The following TTBK2 variants were observed in gnomAD, a reference collection of about 807,000 sequenced individuals.
The protein encoded by TTBK2 is tau tubulin kinase 2.
Under a neutral mutation model 110.8 loss-of-function variants are expected in TTBK2, and 28 were observed. That is an observed-to-expected ratio of 0.25 (90% CI 0.19 to 0.35). TTBK2 has a LOEUF of 0.35. Ranked by LOEUF, TTBK2 falls within the 10% of genes least tolerant of loss-of-function variation. TTBK2 has a pLI of 1.00. For missense variants in TTBK2, 1,369 were observed against 1,500.3 expected (o/e 0.91, Z 1.45); for synonymous variants, 532 against 527.3 (o/e 1.01, Z -0.12).
chr15:42,755,597 G>T (rs1230741035), intron 13 of TTBK2, among the ~76,000 whole-genome samples: 1 of 152,206 alleles, frequency 6.6e-6, no homozygotes, highest in South Asian at 2.1e-4. Flanking sequence ...GGCAATTTGG[G>T]TTTAGAGCTA....
rs774402166 is a variant in TTBK2, at chr15:42,775,136, G to A, written c.1997C>T (p.Ala666Val). ...TAATAATAAAAACAAATTTCTTACC[G>A]CTGTAAGGGGTCCTTCTGCCTGCGC... ...MEAQAEGPLT[A>V]ITIPRPSVAS... Residue 666 changes from alanine to valine, a missense_variant and splice_region_variant, in exon 13 of 15, where the codon GCG becomes GTG. Ala to Val is a moderately conservative substitution (Grantham distance 64). Around this residue, in one of 4 missense-constraint regions of TTBK2, gnomAD observed 1,097 missense variants for 1,114.7 expected, o/e 0.98. Transcript: ENST00000267890. The A allele has an allele frequency of 3.1e-6, 5 of 1,612,820 alleles. No individual in the cohort carries two copies. The highest frequency in any genetic ancestry group is 1.1e-5 in the South Asian group (1 of 91,038).
intron 9 of TTBK2, chr15:42,802,331 T>C (rs1010964836): frequency 1.9e-5 from 15 of 770,064 alleles, no homozygotes; most frequent in Non-Finnish European, 3.5e-5. Context: ...GGCCCACTCG[T>C]GTAGGAGAGG....
At chr15:42,750,338 G>C (rs2061848841) in intron 14 of TTBK2, among the ~76,000 whole-genome samples, 1 of 151,958 alleles carries the variant, frequency 6.6e-6, no homozygotes, top group Admixed American at 6.6e-5. Flanking sequence ...AAGGATGCTT[G>C]AAAAACTAAA....
intron 3 of TTBK2, among the ~76,000 whole-genome samples, chr15:42,862,189 T>C (rs1386536624): frequency 2.0e-5 from 3 of 152,012 alleles, no homozygotes; most frequent in East Asian, 1.9e-4. Flanking sequence ...ACTGAAACTA[T>C]TTAAAAAAAA....
At chr15:42,764,384 A>G (rs1595887877) in intron 13 of TTBK2, among the ~76,000 whole-genome samples, 1 of 152,376 alleles carries the variant, frequency 6.6e-6, no homozygotes, top group Non-Finnish European at 1.5e-5. Context: ...GTACCTGGAA[A>G]AATGGGACAC....
chr15:42,797,225 T>G (rs1456147348), intron 9 of TTBK2, among the ~76,000 whole-genome samples: 1 of 152,246 alleles, frequency 6.6e-6, no homozygotes, highest in Non-Finnish European at 1.5e-5. Flanking sequence ...CACTGCTAAA[T>G]TCTCTGTCTG....
At chr15:42,765,021 C>T (rs1176342701) in intron 13 of TTBK2, among the ~76,000 whole-genome samples, 1 of 152,232 alleles carries the variant, frequency 6.6e-6, no homozygotes, top group Non-Finnish European at 1.5e-5. Context: ...CAAACTCCAA[C>T]AGACCTGCAG....
intron 13 of TTBK2, among the ~76,000 whole-genome samples, chr15:42,768,563 G>A (rs1889500796): frequency 6.6e-6 from 1 of 152,104 alleles, no homozygotes; most frequent in Non-Finnish European, 1.5e-5. Flanking sequence ...GGATATGAAG[G>A]ACCTCTTCAA....
chr15:42,818,895 C>G (rs2140953522), intron 6 of TTBK2, among the ~76,000 whole-genome samples: 1 of 143,926 alleles, frequency 6.9e-6, no homozygotes, highest in East Asian at 2.1e-4. Context: ...TGCACTCCAG[C>G]CTGGGCGACA....
chr15:42,804,200 T>C (rs112295769), intron 9 of TTBK2, among the ~76,000 whole-genome samples: 12 of 152,026 alleles, frequency 7.9e-5, no homozygotes, highest in African/African-American at 2.9e-4. Flanking sequence ...ATCCCGGCAC[T>C]TTGGGAGACT....
At position 42,742,880 on chromosome 15, in the gene TTBK2, TAAAG is replaced by T. The variant is rs1381089621; in HGVS notation, c.*2911_*2914del. 23 of 152,054 alleles carry T rather than the reference TAAAG, an allele frequency of 1.5e-4. No individual in the cohort carries two copies. The East Asian group carries it at 4.5e-3, about 29-fold the overall frequency. 9.4% of individuals were successfully genotyped at this position (152,054 alleles called of 1,614,324 possible). ...ACTAAGAGAACCCCCAAATAAAAAA[TAAAG>T]AACTAAAAAACACAACCAAACCAAA... On this transcript the variant is annotated 3_prime_UTR_variant, in exon 15 of 15. Coordinates refer to ENST00000267890, the MANE Select transcript of TTBK2 (RefSeq NM_173500.4).
At chr15:42,783,221 C>T (rs1890251564) in intron 11 of TTBK2, among the ~76,000 whole-genome samples, 198 bp downstream of exon 11, 1 of 152,026 alleles carries the variant, frequency 6.6e-6, no homozygotes. Context: ...AAGGCAGAGC[C>T]CTCATGAATG....
chr15:42,912,566 C>G (rs1307530066), intron 1 of TTBK2, among the ~76,000 whole-genome samples: 1 of 152,002 alleles, frequency 6.6e-6, no homozygotes, highest in Non-Finnish European at 1.5e-5. Flanking sequence ...AAAAAATTAG[C>G]TGGGCCTGGT....
rs766180230 is a variant in TTBK2 at position 42,777,224 on chromosome 15, TCTC to T, written c.1213_1215del (p.Glu405del). ...AGACCATTTGCCTGGCCATGGCTGTTCTCCTCTTCAGTAGCAGCCTATCCAAAA... is the reference window on the plus strand; with the variant it reads ...AGACCATTTGCCTGGCCATGGCTGTTCTCTTCAGTAGCAGCCTATCCAAAA... On this transcript the variant is annotated inframe_deletion, in exon 12 of 15. Coordinates refer to ENST00000267890, the MANE Select transcript of TTBK2 (RefSeq NM_173500.4). The T allele has an allele frequency of 1.2e-6, 2 of 1,614,126 alleles. No individual in the cohort carries two copies. Among genetic ancestry groups the T allele is most frequent in the Non-Finnish European group, 8.5e-7 (1 of 1,180,026 alleles).
chr15:42,918,943 G>C (rs2031228963), intron 1 of TTBK2, among the ~76,000 whole-genome samples: 1 of 152,074 alleles, frequency 6.6e-6, no homozygotes, highest in African/African-American at 2.4e-5. Context: ...GCATCAACTT[G>C]ATATTATATA....
intron 3 of TTBK2, among the ~76,000 whole-genome samples, chr15:42,845,501 G>A (rs1893414364): frequency 6.6e-6 from 1 of 151,666 alleles, no homozygotes; most frequent in Non-Finnish European, 1.5e-5. Flanking sequence ...CCCCATCGCA[G>A]TAGGCACCTA....
intron 1 of TTBK2, among the ~76,000 whole-genome samples, chr15:42,879,327 A>G (rs1299197344): frequency 2.6e-5 from 4 of 152,214 alleles, no homozygotes; most frequent in African/African-American, 7.2e-5. Context: ...TTGTTTAGTG[A>G]AAAAGGCAAG....
At chr15:42,913,515 G>A (rs1294027654) in intron 1 of TTBK2, among the ~76,000 whole-genome samples, 2 of 152,012 alleles carry the variant, frequency 1.3e-5, no homozygotes, top group African/African-American at 2.4e-5. Flanking sequence ...GTGGGCGCCT[G>A]TAGTCCCAGC....
chr15:42,795,897 C>T (rs1289257285), intron 9 of TTBK2, among the ~76,000 whole-genome samples: 3 of 150,418 alleles, frequency 2.0e-5, no homozygotes, highest in Non-Finnish European at 4.4e-5. Context: ...CAATAGATGC[C>T]ATAAACAGGG....
Sources: allele counts gnomAD v4.1 joint callset (sites outside exome capture counted in the v4.1 genomes callset), GRCh38; gene constraint gnomAD v4.1.1; regional missense constraint gnomAD v4.1.1; transcripts MANE v1.5; gene names NCBI Gene and HGNC (gene_info 2026-07-23, HGNC 2026-07-21).